OPA3: variants seen among roughly 807,000 people sequenced by gnomAD.
OPA3 encodes the protein outer mitochondrial membrane lipid metabolism regulator OPA3, also known as optic atrophy 3 protein.
OPA3 carries 6 observed loss-of-function variants against 4.0 expected under a neutral mutation model. The observed-to-expected ratio is 1.51, with a 90% CI of 0.83 to 2.99. OPA3 has a LOEUF of 2.99. OPA3 is among the 30% of genes most tolerant of loss of function. OPA3 has a pLI of 0.00. For synonymous variants in OPA3, 105 were observed against 117.1 expected (o/e 0.90, Z 0.67); for missense variants, 235 against 256.2 (o/e 0.92, Z 0.56).
chr19:45,553,659 G>T lies in OPA3; in HGVS notation c.395C>A (p.Ala132Glu), dbSNP rs758982194. ...CACCTGCGCCTGCAGCGCTTCCAGC[G>T]CCAGCGCCAGGTGGCCCACCTCGTC... ...LRDEVGHLAL[A>E]LEALQAQVQA... Residue 132 changes from alanine (A) to glutamate (E), a missense_variant, in exon 2 of 2, where the codon GCG (alanine) becomes GAG (glutamate). By Grantham distance (107) the Ala-to-Glu change is moderately radical (BLOSUM62 -1). Coordinates refer to ENST00000263275, the MANE Select transcript of OPA3 (RefSeq NM_025136.4). The T allele has an allele frequency of 6.2e-7, 1 of 1,604,934 alleles. No individual in the cohort carries two copies. Among genetic ancestry groups the T allele is most frequent in the African/African-American group, 1.3e-5 (1 of 74,976 alleles).
At chr19:45,533,855 A>G (rs1969086979) in intron 1 of OPA3, among the ~76,000 whole-genome samples, 1 of 152,228 alleles carries the variant, frequency 6.6e-6, no homozygotes, top group African/African-American at 2.4e-5. Context: ...AGAAGGCACC[A>G]TAGCCACCAT....
Position 45,538,721 on chromosome 19 carries a change from T to G in OPA3, c.143-9265A>C, listed in dbSNP as rs1005991950. Among the ~76,000 whole-genome samples the G allele has an allele frequency of 1.6e-4, 18 of 109,952 alleles. 1 individual carries two copies. The highest frequency in any genetic ancestry group is 1.3e-3 in the Admixed American group (15 of 11,488). The allele number at this position is 109,952 out of a possible 152,430, so 72.1% of individuals were successfully genotyped here. On this transcript the variant is annotated intron_variant, in intron 1 of 1. Coordinates refer to the OPA3 transcript ENST00000323060. ...CTGGGCAAAAAAGTGAGACTCCGTCTCAAAAAAAAAAAAAAGAAAAGATGC... is the reference window on the plus strand; with the variant it reads ...CTGGGCAAAAAAGTGAGACTCCGTCGCAAAAAAAAAAAAAAGAAAAGATGC...
In OPA3 at chr19:45,553,363, G is replaced by T; in HGVS notation, c.*151C>A. ...CCTGCTGGTCCCAGTGGCAGGTAAC[G>T]GCTGCTCTTATCAGCAGGGGTAACC... On this transcript the variant is annotated 3_prime_UTR_variant, in exon 2 of 2. Coordinates refer to ENST00000263275, the MANE Select transcript of OPA3 (RefSeq NM_025136.4). 1 of 1,542,046 alleles carries T rather than the reference G, an allele frequency of 6.5e-7. No individual in the cohort carries two copies. Among genetic ancestry groups the T allele is most frequent in the South Asian group, 1.2e-5 (1 of 83,756 alleles).
At position 45,549,168 on chromosome 19, in the gene OPA3, A is replaced by C. The variant is rs1161764925; in HGVS notation, c.*4346T>G. The C allele has an allele frequency of 1.0e-6, 1 of 985,176 alleles. No individual in the cohort carries two copies. The highest frequency in any genetic ancestry group is 1.7e-5 in the African/African-American group (1 of 57,186). 61.0% of individuals were successfully genotyped at this position (985,176 alleles called of 1,614,324 possible). ...TTGAAGATAATCAGCTTCATTTACA[A>C]ATTTATTCTAACCCCTCTCCCCAAA... On this transcript the variant is annotated 3_prime_UTR_variant, in exon 2 of 2. Coordinates refer to ENST00000263275, the MANE Select transcript of OPA3 (RefSeq NM_025136.4).
chr19:45,553,618 G>T lies in OPA3; in HGVS notation c.436C>A (p.Gln146Lys). 6.2e-7 allele frequency: 1 copy of T among 1,608,236 alleles called. No individual in the cohort carries two copies. Among genetic ancestry groups the T allele is most frequent in the Admixed American group, 1.7e-5 (1 of 59,870 alleles). ...GTGCGCAGTTCCTCCAGGGCGCCCT[G>T]TGGCGGCGCCGCCTGCACCTGCGCC... ...LQAQVQAAPP[Q>K]GALEELRTEL... Residue 146 changes from glutamine to lysine, a missense_variant, in exon 2 of 2, where the codon CAG becomes AAG. Gln to Lys is a moderately conservative substitution (Grantham distance 53). Coordinates refer to ENST00000263275, the MANE Select transcript of OPA3 (RefSeq NM_025136.4).
intron 1 of OPA3, among the ~76,000 whole-genome samples, chr19:45,567,538 C>A (rs1049221323): frequency 2.1e-4 from 32 of 152,006 alleles, no homozygotes; most frequent in Non-Finnish European, 5.9e-5. Flanking sequence ...GGAGGAGGGA[C>A]CTTTCTAGAG....
chr19:45,574,611 A>C (rs900335945), intron 1 of OPA3, among the ~76,000 whole-genome samples: 1 of 152,164 alleles, frequency 6.6e-6, no homozygotes, highest in African/African-American at 2.4e-5. Context: ...GCTCAAAGTC[A>C]CATGGCTAAT....
In OPA3 at chr19:45,572,678, A is replaced by C. The variant is rs535136641; in HGVS notation, c.142+11945T>G. On this transcript the variant is annotated intron_variant, in intron 1 of 1. Transcript: ENST00000263275. ...TCATATATATCTATATGAGATATAT[A>C]TCTATATATATCATACTATATATAT... Among the ~76,000 whole-genome samples the C allele has an allele frequency of 1.6e-4, 20 of 128,276 alleles. 1 individual carries two copies. In the South Asian group the frequency reaches 4.8e-3, roughly 31 times the overall value. The allele number at this position is 128,276 out of a possible 152,430, so 84.2% of individuals were successfully genotyped here.
chr19:45,564,365 G>T (rs1302716237), intron 1 of OPA3, among the ~76,000 whole-genome samples: 1 of 152,160 alleles, frequency 6.6e-6, no homozygotes, highest in Non-Finnish European at 1.5e-5. Flanking sequence ...AGGAACTGGA[G>T]ACTAGGACCA....
intron 1 of OPA3, among the ~76,000 whole-genome samples, chr19:45,540,802 C>CA (rs11388312): frequency 0.38 from 56,357 of 146,632 alleles, 11,127 homozygotes; most frequent in Middle Eastern, 0.55. Context: ...GACTCCGTCT[C>CA]AAAAAAAAAA....
chr19:45,580,315 CAG>C (rs1244980249), intron 1 of OPA3, among the ~76,000 whole-genome samples: 1 of 114,378 alleles, frequency 8.7e-6, no homozygotes, highest in Non-Finnish European at 1.7e-5. Context: ...TTTTTTGAGA[CAG>C]AGTTTCACTC....
rs926604844 is a variant in OPA3 at position 45,553,323 on chromosome 19, T to C, written c.*191A>G. ...AGGTGAAGGATGATGGAGGGGGCTA[T>C]GTTGCAACGCTTCACCTGCTGGTCC... On this transcript the variant is annotated 3_prime_UTR_variant, in exon 2 of 2. Coordinates refer to ENST00000263275, the MANE Select transcript of OPA3 (RefSeq NM_025136.4). 10 of 1,468,492 alleles carry C rather than the reference T, an allele frequency of 6.8e-6. No individual in the cohort carries two copies. Among genetic ancestry groups the C allele is most frequent in the East Asian group, 2.5e-5 (1 of 40,420 alleles). 91.0% of individuals were successfully genotyped at this position (1,468,492 alleles called of 1,614,324 possible).
intron 1 of OPA3, among the ~76,000 whole-genome samples, chr19:45,572,114 T>C (rs1215135304): frequency 7.4e-6 from 1 of 135,510 alleles, no homozygotes; most frequent in East Asian, 2.1e-4. Context: ...TATATATCAA[T>C]ATATATTGAT....
At chr19:45,572,767 CTA>C (rs1266715005) in intron 1 of OPA3, among the ~76,000 whole-genome samples, 6 of 114,124 alleles carry the variant, frequency 5.3e-5, no homozygotes, top group South Asian at 5.4e-4. Flanking sequence ...CGATATATAT[CTA>C]TATATATCAT....
At chr19:45,560,773 C>T (rs1027394669) in intron 1 of OPA3, among the ~76,000 whole-genome samples, 7 of 152,112 alleles carry the variant, frequency 4.6e-5, no homozygotes, top group African/African-American at 1.4e-4. Context: ...CTCTCAGCCC[C>T]GGAGCTCCAG....
intron 1 of OPA3, among the ~76,000 whole-genome samples, chr19:45,555,836 T>C (rs1214563577): frequency 6.6e-6 from 1 of 152,060 alleles, no homozygotes; most frequent in African/African-American, 2.4e-5. Flanking sequence ...ATCAGTATGT[T>C]GCCTAGGCTG....
exon 2 of OPA3, chr19:45,528,970 G>A: frequency 2.0e-6 from 3 of 1,480,138 alleles, no homozygotes; most frequent in South Asian, 2.6e-5. Flanking sequence ...GGCCGGTCCA[G>A]GATGGGACAG....
intron 1 of OPA3, among the ~76,000 whole-genome samples, chr19:45,566,030 G>C (rs547471061): frequency 6.6e-6 from 1 of 152,176 alleles, no homozygotes; most frequent in Non-Finnish European, 1.5e-5. Flanking sequence ...GATGACCACA[G>C]ATGAAATCTT....
chr19:45,580,455 G>GCCCA (rs1346751132), intron 1 of OPA3, among the ~76,000 whole-genome samples: 13 of 151,068 alleles, frequency 8.6e-5, no homozygotes, highest in East Asian at 1.9e-4. Context: ...CACCACGTCT[G>GCCCA]GCTAATTTTG....
Sources: allele counts gnomAD v4.1 joint callset (sites outside exome capture counted in the v4.1 genomes callset), GRCh38; gene constraint gnomAD v4.1.1; transcripts MANE v1.5; gene names NCBI Gene and HGNC (gene_info 2026-07-23, HGNC 2026-07-21).